Variants in TMT1B observed in about 807,000 individuals in gnomAD.
The protein encoded by TMT1B is thiol S-methyltransferase TMT1B.
At chr12:55,681,959 TC>T in the TMT1B span, 1 of 1,614,162 alleles carries the variant, frequency 6.2e-7, no homozygotes, top group South Asian at 1.1e-5. Flanking sequence ...TACAGGAGCC[TC>T]CGGGAAAGTG....
the TMT1B span, chr12:55,682,286 A>G: frequency 1.3e-6 from 2 of 1,584,534 alleles, no homozygotes; most frequent in South Asian, 2.3e-5. Flanking sequence ...GGTGTGGGGC[A>G]GGCAAACGCA....
At chr12:55,682,939 G>A in the TMT1B span, among the ~76,000 whole-genome samples, 1 of 152,172 alleles carries the variant, frequency 6.6e-6, no homozygotes, top group Admixed American at 6.5e-5. Context: ...AGAACGTTCA[G>A]AATAGTTTCC....
chr12:55,683,965 C>T, the TMT1B span: 1 of 1,614,110 alleles, frequency 6.2e-7, no homozygotes, highest in African/African-American at 1.3e-5. Flanking sequence ...ACGCCCAGTT[C>T]TCCGAAATCC....
chr12:55,684,032 G>C, the TMT1B span: 36 of 1,613,166 alleles, frequency 2.2e-5, no homozygotes, highest in Non-Finnish European at 3.1e-5. Flanking sequence ...CCACATCATG[G>C]GAAAGGCTGT....
At chr12:55,682,034 G>C in the TMT1B span, 2 of 1,614,262 alleles carry the variant, frequency 1.2e-6, no homozygotes, top group Non-Finnish European at 1.7e-6. Context: ...GGGCTGCAGG[G>C]TCACCTGCCT....
At chr12:55,683,812 G>A in the TMT1B span, 4 of 1,613,922 alleles carry the variant, frequency 2.5e-6, no homozygotes, top group Non-Finnish European at 3.4e-6. Flanking sequence ...ATCCCTCCCA[G>A]GGAGGTGTGC....
At chr12:55,684,468 CT>C in the TMT1B span, 2 of 181,164 alleles carry the variant, frequency 1.1e-5, no homozygotes, top group Admixed American at 5.5e-5. Context: ...CCAAGCCCCC[CT>C]GACCCTCTCT....
At chr12:55,683,217 T>C in the TMT1B span, among the ~76,000 whole-genome samples, 2 of 152,148 alleles carry the variant, frequency 1.3e-5, no homozygotes, top group African/African-American at 4.8e-5. Context: ...TAAGCCCAGC[T>C]GGGCGAGGTG....
At chr12:55,683,538 C>G in the TMT1B span, among the ~76,000 whole-genome samples, 1 of 152,144 alleles carries the variant, frequency 6.6e-6, no homozygotes, top group Non-Finnish European at 1.5e-5. Flanking sequence ...CCCTCCACTC[C>G]TGTTTCTCAG....
the TMT1B span, chr12:55,684,383 T>C: frequency 3.3e-6 from 1 of 298,714 alleles, no homozygotes; most frequent in Admixed American, 4.8e-5. Flanking sequence ...GTAAAGCTCC[T>C]CTCGCTTTCC....
the TMT1B span, chr12:55,682,121 G>T: frequency 1.2e-6 from 2 of 1,614,172 alleles, no homozygotes. Flanking sequence ...TGAGCGGTTT[G>T]TGGTGGCTCC....
the TMT1B span, chr12:55,684,125 T>C: frequency 7.5e-7 from 1 of 1,341,908 alleles, no homozygotes; most frequent in Admixed American, 1.8e-5. Context: ...CCAGCCTATC[T>C]ATCTTCCACT....
chr12:55,683,451 C>T, the TMT1B span, among the ~76,000 whole-genome samples: 6 of 152,102 alleles, frequency 3.9e-5, no homozygotes, highest in African/African-American at 9.7e-5. Flanking sequence ...GCCGAGATCA[C>T]GCCATTGCAC....
the TMT1B span, chr12:55,684,032 G>A: frequency 3.7e-5 from 60 of 1,613,166 alleles, no homozygotes; most frequent in Middle Eastern, 1.8e-4. Flanking sequence ...CCACATCATG[G>A]GAAAGGCTGT....
the TMT1B span, chr12:55,683,990 C>T: frequency 6.2e-7 from 1 of 1,613,954 alleles, no homozygotes; most frequent in Middle Eastern, 1.7e-4. Context: ...GGAACGACAG[C>T]CCCCTCCCTT....
At chr12:55,683,906 A>G in the TMT1B span, 1 of 1,614,128 alleles carries the variant, frequency 6.2e-7, no homozygotes, top group East Asian at 2.2e-5. Flanking sequence ...CTGGAAACAC[A>G]TTGGGGATGG....
chr12:55,682,188 T>C, the TMT1B span: 1 of 1,613,800 alleles, frequency 6.2e-7, no homozygotes, highest in Non-Finnish European at 8.5e-7. Context: ...GTCTGCACTC[T>C]GGTGCTGTGC....
the TMT1B span, among the ~76,000 whole-genome samples, chr12:55,683,569 C>T: frequency 2.0e-5 from 3 of 152,260 alleles, no homozygotes; most frequent in South Asian, 2.1e-4. Flanking sequence ...TGCATGCCCT[C>T]GGTTATTCTG....
At chr12:55,684,334 G>GTT in the TMT1B span, 2 of 392,542 alleles carry the variant, frequency 5.1e-6, no homozygotes, top group Non-Finnish European at 4.8e-6. Context: ...GTCTCCCAAC[G>GTT]TTTGCCTCCC....
Sources: allele counts gnomAD v4.1 joint callset (sites outside exome capture counted in the v4.1 genomes callset), GRCh38; gene constraint gnomAD v4.1.1; transcripts MANE v1.5; gene names NCBI Gene and HGNC (gene_info 2026-07-23, HGNC 2026-07-21).